Variants in PTPRD observed in about 807,000 individuals in gnomAD.
PTPRD encodes the protein receptor-type tyrosine-protein phosphatase delta.
PTPRD carries 34 observed loss-of-function variants against 214.5 expected under a neutral mutation model. That is an observed-to-expected ratio of 0.16 (90% CI 0.12 to 0.21). PTPRD has a LOEUF of 0.21. Ranked by LOEUF, PTPRD falls within the 10% of genes least tolerant of loss-of-function variation. The pLI is 1.00. For synonymous variants in PTPRD, 1,128 were observed against 845.7 expected, an observed-to-expected ratio of 1.33 and a Z score of -5.79; for missense variants, 2,545 against 2,398.7, an observed-to-expected ratio of 1.06 and a Z score of -1.27.
intron 8 of PTPRD, among the ~76,000 whole-genome samples, chr9:9,503,101 T>A (rs1211225936): frequency 2.6e-5 from 4 of 151,810 alleles, no homozygotes; most frequent in Admixed American, 1.3e-4. Context: ...AGCAAATAAG[T>A]AAATAAATAA....
chr9:10,072,493 C>G (rs542667271), intron 3 of PTPRD, among the ~76,000 whole-genome samples: 32 of 152,104 alleles, frequency 2.1e-4, no homozygotes, highest in African/African-American at 7.2e-4. Context: ...TTGTGAAGGT[C>G]GAAAGAACAC....
chr9:8,425,328 T>G (rs942295651), intron 35 of PTPRD, among the ~76,000 whole-genome samples: 1 of 152,156 alleles, frequency 6.6e-6, no homozygotes, highest in African/African-American at 2.4e-5. Context: ...TTGTAGGAAG[T>G]GATTTCCATG....
At chr9:10,520,851 T>A (rs186117183) in intron 2 of PTPRD, among the ~76,000 whole-genome samples, 59 of 151,964 alleles carry the variant, frequency 3.9e-4, no homozygotes, top group Non-Finnish European at 7.1e-4. Flanking sequence ...ATAGAATATT[T>A]TTAAACCCAC....
chr9:9,918,073 G>C (rs1240091472), intron 5 of PTPRD, among the ~76,000 whole-genome samples: 1 of 151,830 alleles, frequency 6.6e-6, no homozygotes, highest in East Asian at 1.9e-4. Context: ...TTAGGCAAGA[G>C]AAAGAAAAGG....
At chr9:10,431,743 C>T (rs951120660) in intron 2 of PTPRD, among the ~76,000 whole-genome samples, 7 of 152,108 alleles carry the variant, frequency 4.6e-5, no homozygotes, top group South Asian at 4.1e-4. Context: ...GAGATACCAT[C>T]TCACACCAGT....
intron 23 of PTPRD, among the ~76,000 whole-genome samples, chr9:8,502,200 T>A (rs561186332): frequency 6.6e-6 from 1 of 152,248 alleles, no homozygotes; most frequent in South Asian, 2.1e-4. Flanking sequence ...ACAATTACTA[T>A]CATTATTTAA....
rs929792064 is a variant in PTPRD, at chr9:10,581,334, C to A, written c.-600+31064G>T. On this transcript the variant is annotated intron_variant, in intron 2 of 45. Transcript: ENST00000381196. ...AAAGAAATATATAAGAAATGCAAGA[C>A]AAAATATTTTTCTTGCATCTACTCC... Among the ~76,000 whole-genome samples, 17 of 152,190 alleles carry A rather than the reference C, an allele frequency of 1.1e-4. No homozygotes were observed. In the Middle Eastern group the frequency reaches 0.01, roughly 92 times the overall value.
chr9:10,034,578 C>A lies in PTPRD; in HGVS notation c.-544-788G>T, dbSNP rs532449488. Among the ~76,000 whole-genome samples the A allele has an allele frequency of 4.6e-5, 7 of 152,062 alleles. No individual in the cohort carries two copies. The East Asian group carries it at 9.7e-4, about 21-fold the overall frequency. ...TTCATGATCCTCTCCCTCCTCTCAA[C>A]CTCCACCCTCCAATAGGCCCCAGTG... On this transcript the variant is annotated intron_variant, in intron 3 of 45. Coordinates refer to ENST00000381196, the MANE Select transcript of PTPRD (RefSeq NM_002839.4).
chr9:9,944,861 G>A (rs1054679541), intron 4 of PTPRD, among the ~76,000 whole-genome samples: 2 of 152,022 alleles, frequency 1.3e-5, no homozygotes, highest in Admixed American at 1.3e-4. Flanking sequence ...TTTTTGAGTA[G>A]AAAGCAGAGA....
At chr9:9,628,497 A>T (rs1443053893) in intron 7 of PTPRD, among the ~76,000 whole-genome samples, 1 of 152,172 alleles carries the variant, frequency 6.6e-6, no homozygotes, top group South Asian at 2.1e-4. Flanking sequence ...ATTGGTATCC[A>T]GGATCTGCAC....
intron 24 of PTPRD, among the ~76,000 whole-genome samples, 197 bp downstream of exon 24, chr9:8,500,557 T>TAAAAAAAAAAAAAAAAA (rs2097373324): frequency 2.3e-4 from 1 of 4,348 alleles, no homozygotes; most frequent in Non-Finnish European, 4.6e-4. Flanking sequence ...TTGAAAAAAA[T>TAAAAAAAAAAAAAAAAA]GAAAAAAAAA....
intron 35 of PTPRD, among the ~76,000 whole-genome samples, chr9:8,408,724 A>G (rs12156512): frequency 0.077 from 11,674 of 152,054 alleles, 564 homozygotes; most frequent in Non-Finnish European, 0.1. Flanking sequence ...ATGCCGCACC[A>G]TTTTACATTG....
rs570013266 is a variant in PTPRD, at chr9:8,324,436, T to C, written c.5535-4470A>G. On this transcript the variant is annotated intron_variant, in intron 44 of 45. Transcript: ENST00000381196. ...CCCTGCAAAGGACATGAACTCATCCTTTTTTATGGCTGCACAGTATTCCAT... is the reference window on the plus strand; with the variant it reads ...CCCTGCAAAGGACATGAACTCATCCCTTTTTATGGCTGCACAGTATTCCAT... 1.6e-4 allele frequency among the ~76,000 whole-genome samples: 24 copies of C among 152,266 alleles called. No individual in the cohort carries two copies. The East Asian group carries it at 4.3e-3, about 27-fold the overall frequency.
At chr9:9,870,551 C>T (rs2065151592) in intron 5 of PTPRD, among the ~76,000 whole-genome samples, 1 of 151,848 alleles carries the variant, frequency 6.6e-6, no homozygotes, top group Non-Finnish European at 1.5e-5. Context: ...ATTACACTTA[C>T]AAAATATTGT....
intron 5 of PTPRD, among the ~76,000 whole-genome samples, chr9:9,792,049 G>A (rs1425968483): frequency 6.6e-6 from 1 of 151,718 alleles, no homozygotes; most frequent in African/African-American, 2.4e-5. Flanking sequence ...TATTATAATC[G>A]AATGGGACTC....
At chr9:9,265,940 C>A (rs1399286695) in intron 9 of PTPRD, among the ~76,000 whole-genome samples, 1 of 151,290 alleles carries the variant, frequency 6.6e-6, no homozygotes, top group Non-Finnish European at 1.5e-5. Context: ...GACAGAGTGG[C>A]TAAATGGTTC....
At chr9:8,808,790 G>T (rs180861719) in intron 11 of PTPRD, among the ~76,000 whole-genome samples, 94 of 152,176 alleles carry the variant, frequency 6.2e-4, no homozygotes, top group African/African-American at 2.1e-3. Flanking sequence ...GTTCTTCCTA[G>T]GACCCAGACT....
At chr9:9,526,426 G>A (rs2074134687) in intron 8 of PTPRD, among the ~76,000 whole-genome samples, 2 of 152,054 alleles carry the variant, frequency 1.3e-5, no homozygotes, top group Admixed American at 6.6e-5. Context: ...TTGCACCATG[G>A]CATTATGTAA....
intron 2 of PTPRD, among the ~76,000 whole-genome samples, chr9:10,448,529 G>C (rs2098815251): frequency 6.6e-6 from 1 of 151,850 alleles, no homozygotes; most frequent in Admixed American, 6.6e-5. Flanking sequence ...ATAGGAAGTG[G>C]GTAAAGTGGC....
Sources: gnomAD v4.1 joint callset for allele counts (sites outside exome capture counted in the v4.1 genomes callset) on GRCh38, gnomAD v4.1.1 for gene constraint, MANE v1.5 for transcripts, NCBI Gene and HGNC (gene_info 2026-07-23, HGNC 2026-07-21) for gene names.